ZNF568: variants seen among roughly 807,000 people sequenced by gnomAD.
ZNF568 encodes the protein zinc finger protein 568.
A neutral mutation model predicts 18.1 loss-of-function variants in ZNF568; 11 were observed. The observed-to-expected ratio is 0.61, with a 90% CI of 0.38 to 1.00. The LOEUF is 1.00. ZNF568 is among the 50% of genes least tolerant of loss of function. The probability of loss-of-function intolerance (pLI) is 0.01; values close to 1 mark genes in which losing one functional copy is unlikely to be tolerated. For synonymous variants in ZNF568, 213 were observed against 246.6 expected, an observed-to-expected ratio of 0.86 and a Z score of 1.28; for missense variants, 639 against 768.2, an observed-to-expected ratio of 0.83 and a Z score of 1.99.
chr19:36,917,995 C>T (rs2073378086), intron 2 of ZNF568, among the ~76,000 whole-genome samples: 1 of 152,216 alleles, frequency 6.6e-6, no homozygotes, highest in Non-Finnish European at 1.5e-5. Context: ...GTCACCCAGG[C>T]TGGAGTGCAG....
intron 6 of ZNF568, among the ~76,000 whole-genome samples, chr19:36,969,780 G>GTT (rs2074222570): frequency 9.0e-6 from 1 of 111,076 alleles, no homozygotes. Flanking sequence ...CCCATCTCAA[G>GTT]ATTTTTTTTT....
At chr19:36,929,068 C>T (rs1287755191) in intron 4 of ZNF568, among the ~76,000 whole-genome samples, 1 of 151,976 alleles carries the variant, frequency 6.6e-6, no homozygotes, top group East Asian at 1.9e-4. Flanking sequence ...TGTCATGTGC[C>T]ATGCTCTAAG....
intron 2 of ZNF568, among the ~76,000 whole-genome samples, chr19:36,985,235 TTTTA>T (rs1310092010): frequency 2.6e-5 from 4 of 152,190 alleles, no homozygotes; most frequent in Non-Finnish European, 4.4e-5. Context: ...TATTTTATAT[TTTTA>T]TTTCTTTTCC....
intron 6 of ZNF568, among the ~76,000 whole-genome samples, chr19:36,942,137 C>G (rs374568314): frequency 6.6e-6 from 1 of 151,736 alleles, no homozygotes; most frequent in East Asian, 2.0e-4. Context: ...CATACACCAC[C>G]ACGCCCGGCT....
chr19:36,997,075 T>TA lies in ZNF568; in HGVS notation c.989dup (p.Tyr330Ter). 1 of 1,566,220 alleles carries TA rather than the reference T, an allele frequency of 6.4e-7. No homozygotes were observed. Among genetic ancestry groups the TA allele is most frequent in the Non-Finnish European group, 8.6e-7 (1 of 1,161,128 alleles). The change falls in exon 5 of 5, where the codon TAT (tyrosine) becomes TAAT (stop). Residue 330 changes from tyrosine (Y) to a stop codon, truncating the protein, a stop_gained and frameshift_variant. Transcript: ENST00000433993. LOFTEE classifies it low-confidence loss of function (END_TRUNC). The stretch of plus-strand genomic sequence containing the variant: ...TAAGGAATGTGGAAAGGCTTTTCGT[T>TA]ATGACACACAGCTGAGCCTTCATCA...
chr19:36,980,342 C>T (rs2074321321), downstream of ZNF568: 4 of 152,082 alleles, frequency 2.6e-5, no homozygotes, highest in Admixed American at 2.0e-4. Flanking sequence ...ATGTTTAAGT[C>T]TTCAATTCAC....
intron 4 of ZNF568, among the ~76,000 whole-genome samples, chr19:36,933,210 C>T (rs963884781): frequency 3.5e-5 from 5 of 144,914 alleles, no homozygotes; most frequent in African/African-American, 1.0e-4. Context: ...CCTTTGTATA[C>T]GGCATGATCC....
chr19:36,934,663 T>TC (rs1568384951), intron 4 of ZNF568, among the ~76,000 whole-genome samples: 1 of 152,180 alleles, frequency 6.6e-6, no homozygotes, highest in African/African-American at 2.4e-5. Flanking sequence ...AAATCTTTCT[T>TC]CTTTTTTAAT....
chr19:36,942,648 C>T (rs535257350), intron 6 of ZNF568, among the ~76,000 whole-genome samples: 3 of 150,318 alleles, frequency 2.0e-5, no homozygotes, highest in South Asian at 4.2e-4. Flanking sequence ...AAGGAATCCT[C>T]ATGTATTCAT....
chr19:36,954,859 G>A (rs1200234926), downstream of ZNF568, among the ~76,000 whole-genome samples: 2 of 151,868 alleles, frequency 1.3e-5, no homozygotes, highest in Non-Finnish European at 2.9e-5. Context: ...TTACAGGTGT[G>A]AGCCACTGTA....
At chr19:36,997,731 A>T (rs1272296824), downstream of ZNF568, 3 of 727,084 alleles carry the variant, frequency 4.1e-6, no homozygotes, top group Non-Finnish European at 4.5e-6. Flanking sequence ...GAAATGAGGG[A>T]TGGCTCAGAA....
chr19:36,936,661 G>A, intron 4 of ZNF568, 85 bp from the exon 5 acceptor site: 4 of 1,392,260 alleles, frequency 2.9e-6, no homozygotes, highest in South Asian at 3.1e-5. Context: ...TGACCCCTGA[G>A]TACCAGCTAA....
intron 3 of ZNF568, among the ~76,000 whole-genome samples, chr19:36,924,192 C>T (rs531795556): frequency 6.6e-6 from 1 of 152,034 alleles, no homozygotes; most frequent in South Asian, 2.1e-4. Context: ...TACCTATAGC[C>T]AGTCTCTGAT....
intron 6 of ZNF568, among the ~76,000 whole-genome samples, chr19:36,962,935 T>C (rs934950823): frequency 1.2e-4 from 18 of 152,244 alleles, no homozygotes; most frequent in Non-Finnish European, 2.4e-4. Flanking sequence ...CTTGAAACAA[T>C]GTGAATATAA....
At chr19:36,963,572 A>G (rs2074171037) in intron 6 of ZNF568, among the ~76,000 whole-genome samples, 2 of 152,206 alleles carry the variant, frequency 1.3e-5, no homozygotes, top group South Asian at 4.1e-4. Context: ...AAATACTCCC[A>G]ATACAGTCTC....
intron 6 of ZNF568, chr19:36,973,530 C>A: frequency 6.5e-6 from 1 of 154,648 alleles, no homozygotes; most frequent in East Asian, 1.9e-4. Context: ...CGCGCGCAGG[C>A]AGGGAGTGGG....
chr19:36,979,917 G>T (rs971114707), downstream of ZNF568: 5 of 152,102 alleles, frequency 3.3e-5, no homozygotes, highest in Admixed American at 1.3e-4. Context: ...ACTTGGGTAT[G>T]AGTTGATATG....
chr19:36,942,173 G>A (rs1350352692), intron 6 of ZNF568, among the ~76,000 whole-genome samples: 3 of 151,328 alleles, frequency 2.0e-5, no homozygotes, highest in Admixed American at 1.3e-4. Context: ...GTAGAGATGG[G>A]GTTTCACCAT....
intron 2 of ZNF568, among the ~76,000 whole-genome samples, chr19:36,988,546 G>A (rs929280468): frequency 2.1e-4 from 32 of 152,202 alleles, no homozygotes; most frequent in African/African-American, 1.7e-4. Flanking sequence ...GCCAGATCTC[G>A]TCAGAACTTA....
Sources: gnomAD v4.1 joint callset for allele counts (sites outside exome capture counted in the v4.1 genomes callset) on GRCh38, gnomAD v4.1.1 for gene constraint, MANE v1.5 for transcripts, NCBI Gene and HGNC (gene_info 2026-07-23, HGNC 2026-07-21) for gene names.